RICTOR: variants seen among roughly 807,000 people sequenced by gnomAD.
The protein encoded by RICTOR is RPTOR independent companion of MTOR complex 2.
A neutral mutation model predicts 214.9 loss-of-function variants in RICTOR; 49 were observed. The ratio of observed to expected loss-of-function variants is 0.23; its 90% CI spans 0.18 to 0.29. The LOEUF (loss-of-function observed/expected upper bound fraction) is 0.29. Among genes scored for constraint, RICTOR ranks in the 10% least tolerant of loss-of-function variants. RICTOR has a pLI of 1.00. For missense variants in RICTOR, 1,625 were observed against 2,047.0 expected, an observed-to-expected ratio of 0.79 and a Z score of 3.98; for synonymous variants, 717 against 711.3, an observed-to-expected ratio of 1.01 and a Z score of -0.13.
chr5:38,944,412 A>G (rs764072971), intron 36 of RICTOR, 34 bp downstream of exon 36: 2 of 1,578,156 alleles, frequency 1.3e-6, no homozygotes, highest in East Asian at 4.5e-5. Context: ...AAAACAGAAT[A>G]AACAAATAAT....
chr5:39,005,376 C>T (rs1753978767), intron 3 of RICTOR, among the ~76,000 whole-genome samples: 1 of 150,698 alleles, frequency 6.6e-6, no homozygotes, highest in Admixed American at 6.6e-5. Context: ...TATCTCAATG[C>T]TTCAGTTGAA....
At chr5:39,014,012 G>C (rs1754749420) in intron 3 of RICTOR, among the ~76,000 whole-genome samples, 1 of 151,968 alleles carries the variant, frequency 6.6e-6, no homozygotes, top group South Asian at 2.1e-4. Context: ...TCTATGTTTA[G>C]ACACTTACCA....
chr5:39,019,039 T>C (rs568456943), intron 3 of RICTOR, among the ~76,000 whole-genome samples: 16 of 152,306 alleles, frequency 1.1e-4, no homozygotes, highest in African/African-American at 3.8e-4. Context: ...GCTACCAACA[T>C]TCCTTTAAAC....
rs1749639925 is a variant in RICTOR at position 38,959,924 on chromosome 5, C to T, written c.1906G>A (p.Ala636Thr). The T allele has an allele frequency of 1.2e-6, 2 of 1,613,176 alleles. No individual in the cohort carries two copies. The highest frequency in any genetic ancestry group is 1.7e-6 in the Non-Finnish European group (2 of 1,179,312). ...CTTTCGGGTTTCATTCCAGATGAAGCATTGAGCCACTGAACAATATCCTTT... is the reference window on the plus strand; with the variant it reads ...CTTTCGGGTTTCATTCCAGATGAAGTATTGAGCCACTGAACAATATCCTTT... ...LVKDIVQWLN[A>T]SSGMKPERSL... The change falls in exon 21 of 38, where the codon GCT becomes ACT. Residue 636 changes from alanine to threonine, a missense_variant. By Grantham distance (58) the Ala-to-Thr change is moderately conservative. Around this residue, in one of 5 missense-constraint regions of RICTOR, gnomAD observed 1,214 missense variants for 1,470.5 expected, o/e 0.83. Transcript: ENST00000357387.
At chr5:39,028,398 G>A (rs1580138216) in intron 2 of RICTOR, among the ~76,000 whole-genome samples, 1 of 151,808 alleles carries the variant, frequency 6.6e-6, no homozygotes, top group East Asian at 1.9e-4. Context: ...TAGCCGGGAT[G>A]GTCTCGATCT....
chr5:39,069,823 T>C (rs1759179127), intron 2 of RICTOR, among the ~76,000 whole-genome samples: 1 of 152,316 alleles, frequency 6.6e-6, no homozygotes, highest in South Asian at 2.1e-4. Flanking sequence ...AGAGCACATA[T>C]TTCCTTCCAC....
chr5:39,067,720 C>T (rs75677390), intron 2 of RICTOR, among the ~76,000 whole-genome samples: 1 of 152,306 alleles, frequency 6.6e-6, no homozygotes, highest in East Asian at 1.9e-4. Flanking sequence ...TATATAATCA[C>T]GTGAAATTCA....
chr5:39,073,215 C>G (rs1271860026), intron 2 of RICTOR, among the ~76,000 whole-genome samples: 2 of 152,172 alleles, frequency 1.3e-5, no homozygotes, highest in Admixed American at 6.5e-5. Context: ...CAAGCTACAG[C>G]CCGTGTGAAA....
intron 2 of RICTOR, among the ~76,000 whole-genome samples, chr5:39,051,439 C>T (rs1464294008): frequency 2.0e-5 from 3 of 152,146 alleles, no homozygotes; most frequent in Non-Finnish European, 4.4e-5. Context: ...TATTTGCTTG[C>T]AAATTATGGA....
At chr5:39,041,729 C>A (rs1191113202) in intron 2 of RICTOR, among the ~76,000 whole-genome samples, 3 of 152,050 alleles carry the variant, frequency 2.0e-5, no homozygotes, top group Non-Finnish European at 4.4e-5. Context: ...CTGTAGTAAG[C>A]TTATGCACCA....
chr5:39,039,602 A>G lies in RICTOR; in HGVS notation c.98-18466T>C, dbSNP rs537696698. ...GGCTAATATCCAGAATCTACAATGAAGTCAAACAAATTTACAAGGAAAAAA... is the reference window on the plus strand; with the variant it reads ...GGCTAATATCCAGAATCTACAATGAGGTCAAACAAATTTACAAGGAAAAAA... On this transcript the variant is annotated intron_variant, in intron 2 of 37. Coordinates refer to ENST00000357387, the MANE Select transcript of RICTOR (RefSeq NM_152756.5). Among the ~76,000 whole-genome samples, 5 of 152,368 alleles carry G rather than the reference A, an allele frequency of 3.3e-5. No homozygotes were observed. The South Asian group carries it at 1.0e-3, about 32-fold the overall frequency.
At chr5:39,056,466 T>C (rs2150197264) in intron 2 of RICTOR, among the ~76,000 whole-genome samples, 1 of 152,090 alleles carries the variant, frequency 6.6e-6, no homozygotes, top group African/African-American at 2.4e-5. Flanking sequence ...GAACCCTGTC[T>C]CTACAAAAAA....
intron 2 of RICTOR, among the ~76,000 whole-genome samples, chr5:39,046,332 C>G (rs62359843): frequency 0.052 from 7,827 of 150,144 alleles, 262 homozygotes; most frequent in Non-Finnish European, 0.077. Flanking sequence ...CCACTGCACT[C>G]CAGTCTGGGT....
rs1371409488 is a variant in RICTOR at position 38,990,738 on chromosome 5, TATATATGAG to T, written c.583+202_583+210del. Among the ~76,000 whole-genome samples, 15 of 119,114 alleles carry T rather than the reference TATATATGAG, an allele frequency of 1.3e-4. No individual in the cohort carries two copies. In the South Asian group the frequency reaches 1.5e-3, roughly 12 times the overall value. The allele number at this position is 119,114 out of a possible 152,430, so 78.1% of individuals were successfully genotyped here. ...TATATGATATATATCATATATATGA[TATATATGAG>T]ATATATGATATATATGAGATATATG... On this transcript the variant is annotated intron_variant, in intron 7 of 37. Transcript: ENST00000357387.
chr5:38,944,000 C>G (rs1296505763), intron 36 of RICTOR, among the ~76,000 whole-genome samples: 1 of 152,004 alleles, frequency 6.6e-6, no homozygotes, highest in Non-Finnish European at 1.5e-5. Flanking sequence ...TTACTGAAGA[C>G]CCAAAAAAGC....
At chr5:39,035,249 G>A (rs1340348265) in intron 2 of RICTOR, among the ~76,000 whole-genome samples, 2 of 152,208 alleles carry the variant, frequency 1.3e-5, no homozygotes, top group African/African-American at 4.8e-5. Flanking sequence ...CAACAGACCT[G>A]CAGCTGAGGG....
chr5:39,009,708 A>C (rs1754350049), intron 3 of RICTOR, among the ~76,000 whole-genome samples: 1 of 152,128 alleles, frequency 6.6e-6, no homozygotes, highest in Non-Finnish European at 1.5e-5. Flanking sequence ...TTTGAATTAG[A>C]ATTATCCCGA....
Position 38,994,277 on chromosome 5 carries a change from T to G in RICTOR, c.456+2542A>C, listed in dbSNP as rs951656923. 3.1e-4 allele frequency among the ~76,000 whole-genome samples: 47 copies of G among 151,458 alleles called. No homozygotes were observed. In the South Asian group the frequency reaches 4.4e-3, roughly 14 times the overall value. On this transcript the variant is annotated intron_variant, in intron 6 of 37. Coordinates refer to ENST00000357387, the MANE Select transcript of RICTOR (RefSeq NM_152756.5). Reference sequence around the variant, plus strand: ...ATGTAAATAAATTCTGTATTTAGATTTAGGTTTCATTCACAAGATAACTTA... The same window carrying G: ...ATGTAAATAAATTCTGTATTTAGATGTAGGTTTCATTCACAAGATAACTTA...
intron 2 of RICTOR, among the ~76,000 whole-genome samples, chr5:39,025,873 T>C (rs1375796295): frequency 6.6e-6 from 1 of 152,216 alleles, no homozygotes; most frequent in African/African-American, 2.4e-5. Context: ...TTCATTGCAC[T>C]GTTCCAATAA....
Sources: gnomAD v4.1 joint callset for allele counts (sites outside exome capture counted in the v4.1 genomes callset) on GRCh38, gnomAD v4.1.1 for gene constraint, gnomAD v4.1.1 regional missense constraint, MANE v1.5 for transcripts, NCBI Gene and HGNC (gene_info 2026-07-23, HGNC 2026-07-21) for gene names.